Variants in BACE1 observed in about 807,000 individuals in gnomAD.
BACE1 encodes beta-secretase 1.
Under a neutral mutation model 54.0 loss-of-function variants are expected in BACE1, and 21 were observed. The observed-to-expected ratio is 0.39, with a 90% CI of 0.28 to 0.56. BACE1 has a LOEUF of 0.56. BACE1 is among the 20% of genes least tolerant of loss of function. The pLI is 0.63. For synonymous variants in BACE1, 232 were observed against 260.9 expected, an observed-to-expected ratio of 0.89 and a Z score of 1.07; for missense variants, 511 against 661.2, an observed-to-expected ratio of 0.77 and a Z score of 2.49.
Position 117,315,533 on chromosome 11 carries a change from A to C in BACE1, c.261+2T>G. ...GGCTAAGGGCTGGCCTGACCACCTT[A>C]CCGTCTGCGGGGGGCTGCCCACGGT... is the stretch of plus-strand genomic sequence containing the variant. On this transcript the variant is annotated splice_donor_variant, in intron 1 of 8. Transcript: ENST00000313005. LOFTEE classifies it high-confidence loss of function. This position sits in a 1 kb window ranked among gnomAD's most constrained non-coding sequence, Gnocchi z 5.5. 6.3e-7 allele frequency: 1 copy of C among 1,580,314 alleles called. No individual in the cohort carries two copies. Among genetic ancestry groups the C allele is most frequent in the Non-Finnish European group, 8.6e-7 (1 of 1,165,830 alleles).
chr11:117,305,332 A>G (rs1737356322), intron 1 of BACE1, among the ~76,000 whole-genome samples: 2 of 152,176 alleles, frequency 1.3e-5, no homozygotes. Context: ...CTTATGGCCA[A>G]CAGAGCACAC....
rs960336594 is a variant in BACE1 at position 117,294,169 on chromosome 11, C to T, written c.568-161G>A. Reference sequence around the variant, plus strand: ...TTGGCAGAGGAAGGGTTAGCAGGAGCCCTGGCAATGCAAACAGGACAGTAT... The same window carrying T: ...TTGGCAGAGGAAGGGTTAGCAGGAGTCCTGGCAATGCAAACAGGACAGTAT... On this transcript the variant is annotated intron_variant, in intron 3 of 8. Transcript: ENST00000313005. The T allele has an allele frequency of 7.4e-6, 5 of 676,714 alleles. No individual in the cohort carries two copies. The African/African-American group carries it at 9.1e-5, about 12-fold the overall frequency. 41.9% of individuals were successfully genotyped at this position (676,714 alleles called of 1,614,324 possible).
chr11:117,299,517 C>T (rs2034675943), intron 1 of BACE1: 1 of 288,622 alleles, frequency 3.5e-6, no homozygotes, highest in South Asian at 2.7e-5. Flanking sequence ...CTGCTTAGAC[C>T]TCCTGGCCTC....
At position 117,289,789 on chromosome 11, in the gene BACE1, G is replaced by T; in HGVS notation, c.1283C>A (p.Thr428Lys). 6.2e-7 allele frequency: 1 copy of T among 1,613,996 alleles called. No homozygotes were observed. The highest frequency in any genetic ancestry group is 8.5e-7 in the Non-Finnish European group (1 of 1,179,874). The change falls in exon 9 of 9, where the codon ACG becomes AAG. Residue 428 changes from threonine to lysine, a missense_variant. Coordinates refer to ENST00000313005, the MANE Select transcript of BACE1 (RefSeq NM_012104.6). ...GACAAAAGGGCCTTCCACCGCTGCC[G>T]TCCTGAACTCATCGTGCACTGGGGA... ...SACHVHDEFR[T>K]AAVEGPFVTL...
intron 2 of BACE1, 25 bp downstream of exon 2, chr11:117,296,848 C>G (rs2034612237): frequency 6.4e-7 from 1 of 1,571,082 alleles, no homozygotes; most frequent in Admixed American, 1.7e-5. Flanking sequence ...AAAGGTACTT[C>G]CCCCGGGCTC....
At chr11:117,295,471 T>A in intron 2 of BACE1, 124 bp from the exon 3 acceptor site, 1 of 1,538,042 alleles carries the variant, frequency 6.5e-7, no homozygotes, top group Non-Finnish European at 8.7e-7. Flanking sequence ...GCTTTCAGGC[T>A]GCTCAGCAAA....
At chr11:117,302,041 A>C (rs1240135456) in intron 1 of BACE1, among the ~76,000 whole-genome samples, 1 of 152,168 alleles carries the variant, frequency 6.6e-6, no homozygotes, top group Non-Finnish European at 1.5e-5. Context: ...TGCTATTAAA[A>C]ACGTAAAGCT....
chr11:117,289,493 C>A lies in BACE1; in HGVS notation c.*73G>T. 1 of 1,557,758 alleles carries A rather than the reference C, an allele frequency of 6.4e-7. No individual in the cohort carries two copies. The highest frequency in any genetic ancestry group is 8.7e-7 in the Non-Finnish European group (1 of 1,151,316). On this transcript the variant is annotated 3_prime_UTR_variant, in exon 9 of 9. Coordinates refer to ENST00000313005, the MANE Select transcript of BACE1 (RefSeq NM_012104.6). ...CTCTGGCCACAGGTGCCATCTGTGTCTCCTACTTGTGACCAAAGTGAACCA... is the reference window on the plus strand; with the variant it reads ...CTCTGGCCACAGGTGCCATCTGTGTATCCTACTTGTGACCAAAGTGAACCA...
chr11:117,308,615 T>A (rs1565366291), intron 1 of BACE1, among the ~76,000 whole-genome samples: 1 of 152,194 alleles, frequency 6.6e-6, no homozygotes, highest in Non-Finnish European at 1.5e-5. Flanking sequence ...CTATCCCTTA[T>A]AATTAAAGCA....
chr11:117,296,239 C>A (rs1404265957), intron 2 of BACE1, among the ~76,000 whole-genome samples: 1 of 151,822 alleles, frequency 6.6e-6, no homozygotes, highest in African/African-American at 2.4e-5. Flanking sequence ...CCACTTCAAC[C>A]CCCCTTTCAC....
At chr11:117,289,955 GC>G in intron 8 of BACE1, 148 bp from the exon 9 acceptor site, 1 of 729,286 alleles carries the variant, frequency 1.4e-6, no homozygotes, top group Non-Finnish European at 2.3e-6. Context: ...AGGCTGGGAA[GC>G]CAGCACCAGG....
Position 117,293,283 on chromosome 11 carries a change from G to T in BACE1, c.706-95C>A. Reference sequence around the variant, plus strand: ...AATAAGATCAGTGATTTCTTGGGGTGGCAAGGTCTTCTACAGGCTACCCTT... The same window carrying T: ...AATAAGATCAGTGATTTCTTGGGGTTGCAAGGTCTTCTACAGGCTACCCTT... On this transcript the variant is annotated intron_variant, in intron 4 of 8. Transcript: ENST00000313005. The surrounding 1 kb of genome is among the most constrained non-coding windows in gnomAD (Gnocchi z 4.1). The T allele has an allele frequency of 1.5e-6, 2 of 1,366,744 alleles. No homozygotes were observed. Among genetic ancestry groups the T allele is most frequent in the Non-Finnish European group, 2.0e-6 (2 of 994,770 alleles). The allele number at this position is 1,366,744 out of a possible 1,614,324, so 84.7% of individuals were successfully genotyped here. A position where few individuals can be genotyped will look rare whatever the true frequency, so the allele number is the denominator to read the frequency against.
rs141853466 is a variant in BACE1 at position 117,286,256 on chromosome 11, A to G, written c.*3310T>C. ...AGTAGTTTGGATTTCAAATTTATAA[A>G]TCACTTGCTCTGTGGGTAGCTATCA... On this transcript the variant is annotated 3_prime_UTR_variant, in exon 9 of 9. Coordinates refer to ENST00000313005, the MANE Select transcript of BACE1 (RefSeq NM_012104.6). 2 of 152,494 alleles carry G rather than the reference A, an allele frequency of 1.3e-5. No individual in the cohort carries two copies. Among genetic ancestry groups the G allele is most frequent in the African/African-American group, 4.8e-5 (2 of 41,562 alleles). The allele number at this position is 152,494 out of a possible 1,614,324, so 9.4% of individuals were successfully genotyped here.
intron 1 of BACE1, among the ~76,000 whole-genome samples, chr11:117,309,464 C>G (rs1022337956): frequency 1.3e-5 from 2 of 152,130 alleles, no homozygotes; most frequent in East Asian, 1.9e-4. Flanking sequence ...TCAAATACCT[C>G]CGTTTTGGCT....
chr11:117,295,019 C>T, intron 3 of BACE1, 112 bp downstream of exon 3: 1 of 1,136,772 alleles, frequency 8.8e-7, no homozygotes, highest in South Asian at 1.4e-5. Flanking sequence ...TTAAATAATC[C>T]TTTAAACTGA....
chr11:117,311,387 C>T (rs1429938983), intron 1 of BACE1, among the ~76,000 whole-genome samples: 2 of 152,146 alleles, frequency 1.3e-5, no homozygotes, highest in Non-Finnish European at 2.9e-5. Context: ...TGCCACCTTT[C>T]CTATTCCCAC....
chr11:117,289,553 C>T lies in BACE1; in HGVS notation c.*13G>A, dbSNP rs2034352574. ...GGTCCAGGGGAATCTCTATCTTCTG[C>T]CCATGGGCCTCCTCACTTCAGCAGG... On this transcript the variant is annotated 3_prime_UTR_variant, in exon 9 of 9. Transcript: ENST00000313005. The T allele has an allele frequency of 6.2e-7, 1 of 1,613,476 alleles. No individual in the cohort carries two copies. The highest frequency in any genetic ancestry group is 1.3e-5 in the African/African-American group (1 of 74,906).
At chr11:117,305,641 G>A (rs1213393844) in intron 1 of BACE1, among the ~76,000 whole-genome samples, 3 of 151,848 alleles carry the variant, frequency 2.0e-5, no homozygotes, top group Non-Finnish European at 4.4e-5. Flanking sequence ...CCTGTAACCC[G>A]GCTCAACTAA....
intron 5 of BACE1, chr11:117,292,845 G>GT (rs906094642): frequency 0.021 from 10,448 of 488,086 alleles, no homozygotes; most frequent in South Asian, 0.025. Flanking sequence ...CTAGTTCCAT[G>GT]TTTTTTTTTT....
Sources: gnomAD v4.1 joint callset for allele counts (sites outside exome capture counted in the v4.1 genomes callset) on GRCh38, gnomAD v4.1.1 for gene constraint, Gnocchi (gnomAD v3.1) non-coding constraint, MANE v1.5 for transcripts, NCBI Gene and HGNC (gene_info 2026-07-23, HGNC 2026-07-21) for gene names.